GLE1: variants seen among roughly 807,000 people sequenced by gnomAD.
The protein encoded by GLE1 is mRNA export factor GLE1.
A neutral mutation model predicts 97.3 loss-of-function variants in GLE1; 78 were observed. That is an observed-to-expected ratio of 0.80 (90% CI 0.67 to 0.97). GLE1 has a LOEUF of 0.97. Ranked by LOEUF, GLE1 falls within the 50% of genes least tolerant of loss-of-function variation. The probability of loss-of-function intolerance (pLI) is 0.00; values close to 1 mark genes in which losing one functional copy is unlikely to be tolerated. For missense variants in GLE1, 753 were observed against 857.5 expected (o/e 0.88, Z 1.52); for synonymous variants, 302 against 313.4 (o/e 0.96, Z 0.39).
At chr9:128,515,996 G>C (rs542211396) in intron 3 of GLE1, among the ~76,000 whole-genome samples, 72 of 147,594 alleles carry the variant, frequency 4.9e-4, no homozygotes, top group Non-Finnish European at 8.9e-4. Context: ...TTGTTGCCCA[G>C]GCTGGACTGG....
chr9:128,524,713 G>A (rs1405914835), intron 6 of GLE1, among the ~76,000 whole-genome samples: 2 of 151,570 alleles, frequency 1.3e-5, no homozygotes, highest in Non-Finnish European at 2.9e-5. Flanking sequence ...CCAACATGGT[G>A]AAACCCAGTC....
At chr9:128,528,497 G>A (rs1275052020) in intron 9 of GLE1, among the ~76,000 whole-genome samples, 1 of 151,752 alleles carries the variant, frequency 6.6e-6, no homozygotes, top group Non-Finnish European at 1.5e-5. Flanking sequence ...TAGACACGGG[G>A]TTTCACCGTG....
rs1299589035 is a variant in GLE1, at chr9:128,504,719, A to G, written c.-87A>G. The G allele has an allele frequency of 3.2e-5, 29 of 917,736 alleles. No individual in the cohort carries two copies. The East Asian group carries it at 6.0e-4, about 19-fold the overall frequency. The allele number at this position is 917,736 out of a possible 1,614,324, so 56.8% of individuals were successfully genotyped here. The stretch of plus-strand genomic sequence containing the variant: ...TGTGCTGCGCGCGCGTCCCGGAAGC[A>G]GAAGCCTGTGTGGCCTTCCCGGCGG... On this transcript the variant is annotated 5_prime_UTR_variant, in exon 1 of 16. Transcript: ENST00000309971.
intron 13 of GLE1, among the ~76,000 whole-genome samples, chr9:128,538,637 A>C (rs1485385485): frequency 6.6e-6 from 1 of 152,160 alleles, no homozygotes; most frequent in Admixed American, 6.5e-5. Context: ...TCTCTACTAA[A>C]AATAAAAAAT....
chr9:128,535,348 C>T (rs1847669074), intron 11 of GLE1, among the ~76,000 whole-genome samples: 1 of 151,536 alleles, frequency 6.6e-6, no homozygotes, highest in Admixed American at 6.6e-5. Context: ...TGGGGAAAAC[C>T]CGTTTCTACT....
At chr9:128,523,941 CT>C (rs1847227276) in intron 6 of GLE1, 95 bp downstream of exon 6, 7 of 1,185,080 alleles carry the variant, frequency 5.9e-6, no homozygotes, top group Non-Finnish European at 8.6e-6. Flanking sequence ...TACCTGCTAT[CT>C]GCTTATTGGG....
At chr9:128,513,716 AAAAAAAGAAAAG>A (rs1234117347) in intron 2 of GLE1, among the ~76,000 whole-genome samples, 11 of 151,696 alleles carry the variant, frequency 7.3e-5, no homozygotes, top group African/African-American at 2.7e-4. Context: ...CTCAAAAAAA[AAAAAAAGAAAAG>A]AAAAAAGGCG....
At chr9:128,520,126 T>G (rs1262520700) in intron 3 of GLE1, among the ~76,000 whole-genome samples, 2 of 152,084 alleles carry the variant, frequency 1.3e-5, no homozygotes, top group Non-Finnish European at 2.9e-5. Context: ...GGCACATGCC[T>G]GTAAACCCAG....
intron 2 of GLE1, among the ~76,000 whole-genome samples, chr9:128,513,054 A>C (rs1422748308): frequency 6.6e-6 from 1 of 152,170 alleles, no homozygotes; most frequent in Non-Finnish European, 1.5e-5. Flanking sequence ...TTATTTAGGA[A>C]TTTTTGGTAT....
intron 2 of GLE1, among the ~76,000 whole-genome samples, chr9:128,509,312 T>C (rs1460667934): frequency 1.3e-5 from 2 of 152,074 alleles, no homozygotes; most frequent in African/African-American, 4.8e-5. Flanking sequence ...GAGAATAGTA[T>C]AACTAATTTC....
rs1343749172 is a variant in GLE1 at position 128,541,415 on chromosome 9, G to GT, written c.*251dup. 2 of 536,256 alleles carry GT rather than the reference G, an allele frequency of 3.7e-6. No homozygotes were observed. The highest frequency in any genetic ancestry group is 6.7e-6 in the Non-Finnish European group (2 of 298,370). The allele number at this position is 536,256 out of a possible 1,614,324, so 33.2% of individuals were successfully genotyped here. A position where few individuals can be genotyped will look rare whatever the true frequency, so the allele number is the denominator to read the frequency against. ...AAAATAAATGGAGTTGGCCTTTCTT[G>GT]TTTTTTGCAAAAGTGATAAAAGGTC... On this transcript the variant is annotated 3_prime_UTR_variant, in exon 16 of 16. Transcript: ENST00000309971.
chr9:128,517,901 A>G (rs1564146818), intron 3 of GLE1, among the ~76,000 whole-genome samples: 2 of 151,968 alleles, frequency 1.3e-5, no homozygotes, highest in Non-Finnish European at 2.9e-5. Context: ...CTTGATATAC[A>G]TGTCCTTCTG....
At chr9:128,527,732 G>A (rs573220495) in intron 9 of GLE1, among the ~76,000 whole-genome samples, 4 of 152,140 alleles carry the variant, frequency 2.6e-5, no homozygotes, top group East Asian at 3.9e-4. Context: ...TTGGGAGGCC[G>A]AGGTGGGCGG....
At chr9:128,525,096 G>A (rs1847263471) in intron 6 of GLE1, 96 bp from the exon 7 acceptor site, 2 of 865,086 alleles carry the variant, frequency 2.3e-6, no homozygotes, top group South Asian at 2.8e-5. Flanking sequence ...TACTCCATTG[G>A]TGCAACAATT....
At chr9:128,511,089 A>G (rs375750260) in intron 2 of GLE1, among the ~76,000 whole-genome samples, 1 of 151,188 alleles carries the variant, frequency 6.6e-6, no homozygotes, top group East Asian at 2.0e-4. Context: ...CTGTAATCCC[A>G]TCTACTTGGG....
intron 5 of GLE1, 65 bp downstream of exon 5, chr9:128,523,405 G>C: frequency 6.8e-7 from 1 of 1,475,988 alleles, no homozygotes; most frequent in South Asian, 1.1e-5. Context: ...TGGAGAGCCA[G>C]GTTTTGGCAG....
Position 128,527,534 on chromosome 9 carries a change from G to A in GLE1, c.1312+9G>A. The A allele has an allele frequency of 6.5e-7, 1 of 1,547,496 alleles. No homozygotes were observed. The highest frequency in any genetic ancestry group is 8.9e-7 in the Non-Finnish European group (1 of 1,119,258). The stretch of plus-strand genomic sequence containing the variant: ...AATCTCTACCATTGCAGGTTGGTCA[G>A]AGGGGTTGAGAACATGACCTTTCAT... On this transcript the variant is annotated intron_variant, in intron 9 of 15. Transcript: ENST00000309971.
At chr9:128,537,284 C>T (rs1053418268) in intron 12 of GLE1, among the ~76,000 whole-genome samples, 1 of 151,624 alleles carries the variant, frequency 6.6e-6, no homozygotes, top group Non-Finnish European at 1.5e-5. Context: ...GAAACCCCGT[C>T]TCTACTAAAA....
intron 9 of GLE1, among the ~76,000 whole-genome samples, chr9:128,532,985 A>G (rs986031115): frequency 2.6e-5 from 4 of 152,234 alleles, no homozygotes; most frequent in Non-Finnish European, 5.9e-5. Context: ...GATACCAACC[A>G]CAGTCCATGG....
Sources: allele counts gnomAD v4.1 joint callset (sites outside exome capture counted in the v4.1 genomes callset), GRCh38; gene constraint gnomAD v4.1.1; transcripts MANE v1.5; gene names NCBI Gene and HGNC (gene_info 2026-07-23, HGNC 2026-07-21).